EDN1: variants seen among roughly 807,000 people sequenced by gnomAD.
EDN1 encodes the protein endothelin 1.
Under a neutral mutation model 21.7 loss-of-function variants are expected in EDN1, and 11 were observed. The ratio of observed to expected loss-of-function variants is 0.51; its 90% CI spans 0.32 to 0.84. The LOEUF is 0.84. Ranked by LOEUF, EDN1 falls within the 40% of genes least tolerant of loss-of-function variation. The pLI is 0.03. For missense variants in EDN1, 244 were observed against 262.3 expected (o/e 0.93, Z 0.48); for synonymous variants, 85 against 90.6 (o/e 0.94, Z 0.35).
chr6:12,296,191 AC>A lies in EDN1; in HGVS notation c.*126del. Reference sequence around the variant, plus strand: ...TCTGCTGGTTCCTGACTGGCAAAGGACCAGCGTCCTCGTTCAAAACATTCCA... The same window carrying A: ...TCTGCTGGTTCCTGACTGGCAAAGGACAGCGTCCTCGTTCAAAACATTCCA... On this transcript the variant is annotated 3_prime_UTR_variant, in exon 5 of 5. Coordinates refer to ENST00000379375, the MANE Select transcript of EDN1 (RefSeq NM_001955.5). 1 of 865,976 alleles carries A rather than the reference AC, an allele frequency of 1.2e-6. No homozygotes were observed. Among genetic ancestry groups the A allele is most frequent in the Non-Finnish European group, 2.0e-6 (1 of 510,328 alleles). 53.6% of individuals were successfully genotyped at this position (865,976 alleles called of 1,614,324 possible). A position where few individuals can be genotyped will look rare whatever the true frequency, so the allele number is the denominator to read the frequency against.
Position 12,295,942 on chromosome 6 carries a change from C to A in EDN1, c.534-20C>A, listed in dbSNP as rs2113799068. On this transcript the variant is annotated intron_variant, in intron 4 of 4. Coordinates refer to ENST00000379375, the MANE Select transcript of EDN1 (RefSeq NM_001955.5). ...ATTTTTTTAAAATAACATTTGTTTT[C>A]TCTTATCTTGCTTTATTAGGTCGGA... 6 of 1,610,522 alleles carry A rather than the reference C, an allele frequency of 3.7e-6. No individual in the cohort carries two copies. Among genetic ancestry groups the A allele is most frequent in the Non-Finnish European group, 5.1e-6 (6 of 1,177,004 alleles).
At chr6:12,261,726 C>T in the EDN1 span, among the ~76,000 whole-genome samples, 2 of 152,268 alleles carry the variant, frequency 1.3e-5, no homozygotes, top group Non-Finnish European at 2.9e-5. Flanking sequence ...CCAGGTTTCA[C>T]CTGGGATGAG....
At chr6:12,275,872 T>G in the EDN1 span, among the ~76,000 whole-genome samples, 1 of 151,508 alleles carries the variant, frequency 6.6e-6, no homozygotes, top group African/African-American at 2.4e-5. Context: ...AGTTAAAAAA[T>G]AAGAATCGTG....
the EDN1 span, among the ~76,000 whole-genome samples, chr6:12,241,998 G>T: frequency 6.6e-6 from 1 of 152,294 alleles, no homozygotes; most frequent in South Asian, 2.1e-4. Context: ...CCATAACCCC[G>T]TTAGGTAATA....
At position 12,292,381 on chromosome 6, in the gene EDN1, C is replaced by T. The variant is rs1189074850; in HGVS notation, c.105C>T (p.Gly35=). The change falls in exon 2 of 5, where the codon GGC becomes GGT. Residue 35 remains glycine (G), a synonymous_variant. Coordinates refer to ENST00000379375, the MANE Select transcript of EDN1 (RefSeq NM_001955.5). ...AGCTCAGCGCGGTGGGTGAGAACGG[C>T]GGGGAGAAACCCACTCCCAGTCCAC... The part of the protein sequence containing the change: ...GAELSAVGEN[G]GEKPTPSPPW... 4 of 1,613,936 alleles carry T rather than the reference C, an allele frequency of 2.5e-6. No individual in the cohort carries two copies. In the African/African-American group the frequency reaches 5.3e-5, roughly 22 times the overall value.
At chr6:12,236,624 T>C in the EDN1 span, among the ~76,000 whole-genome samples, 4 of 152,174 alleles carry the variant, frequency 2.6e-5, no homozygotes, top group African/African-American at 4.8e-5. Context: ...TATATATAAA[T>C]TCATTTTTCC....
At chr6:12,271,510 TTTTATA>T in the EDN1 span, among the ~76,000 whole-genome samples, 1 of 152,188 alleles carries the variant, frequency 6.6e-6, no homozygotes, top group Admixed American at 6.5e-5. Context: ...ATTTACATCT[TTTTATA>T]TTGTGTGTTC....
chr6:12,292,946 A>G (rs1298250704), intron 2 of EDN1, among the ~76,000 whole-genome samples: 1 of 152,206 alleles, frequency 6.6e-6, no homozygotes, highest in African/African-American at 2.4e-5. Flanking sequence ...AATTTTACTT[A>G]CAGAAAAACC....
the EDN1 span, among the ~76,000 whole-genome samples, chr6:12,284,539 A>T: frequency 4.6e-5 from 7 of 150,980 alleles, no homozygotes; most frequent in African/African-American, 1.5e-4. Flanking sequence ...GAAGGAAGGA[A>T]GGAAAGAAGG....
At chr6:12,235,878 T>A in the EDN1 span, among the ~76,000 whole-genome samples, 1 of 152,228 alleles carries the variant, frequency 6.6e-6, no homozygotes, top group Non-Finnish European at 1.5e-5. Context: ...ACAGTGCAGC[T>A]CTGCAATATT....
At chr6:12,293,213 C>T (rs1459905239) in intron 2 of EDN1, among the ~76,000 whole-genome samples, 7 of 152,154 alleles carry the variant, frequency 4.6e-5, no homozygotes, top group Admixed American at 3.9e-4. Context: ...TACAATGTAC[C>T]GTTATGACAA....
At chr6:12,245,248 C>A in the EDN1 span, among the ~76,000 whole-genome samples, 1 of 152,096 alleles carries the variant, frequency 6.6e-6, no homozygotes, top group Non-Finnish European at 1.5e-5. Context: ...GACTTGATAT[C>A]ATCTCTGTTT....
intron 1 of EDN1, 99 bp from the exon 2 acceptor site, chr6:12,292,242 G>C (rs1762700638): frequency 1.9e-6 from 3 of 1,545,000 alleles, no homozygotes; most frequent in African/African-American, 1.4e-5. Flanking sequence ...TGCTTCATCT[G>C]CTTTTATCTG....
the EDN1 span, among the ~76,000 whole-genome samples, chr6:12,253,872 G>A: frequency 5.3e-5 from 8 of 151,954 alleles, no homozygotes; most frequent in Non-Finnish European, 1.2e-4. Context: ...CCAATCTACC[G>A]CCCGTGACGT....
the EDN1 span, among the ~76,000 whole-genome samples, chr6:12,246,518 G>A: frequency 3.9e-5 from 6 of 152,126 alleles, no homozygotes; most frequent in South Asian, 2.1e-4. Context: ...GATCCTGGGC[G>A]TGCACACACA....
chr6:12,248,190 A>T, the EDN1 span, among the ~76,000 whole-genome samples: 14 of 152,186 alleles, frequency 9.2e-5, no homozygotes. Flanking sequence ...GAGATAGGAA[A>T]AGCATAGTGG....
rs746637605 is a variant in EDN1 at position 12,296,060 on chromosome 6, A to G, written c.632A>G (p.His211Arg). The G allele has an allele frequency of 5.0e-6, 8 of 1,613,966 alleles. No individual in the cohort carries two copies. The highest frequency in any genetic ancestry group is 6.8e-6 in the Non-Finnish European group (8 of 1,179,892). ...RERYVTHNRA[H>R]W ...CGTTATGTGACCCACAACCGAGCACATTGGTGACAGACCTTCGGGGCCTGT... is the reference window on the plus strand; with the variant it reads ...CGTTATGTGACCCACAACCGAGCACGTTGGTGACAGACCTTCGGGGCCTGT... Residue 211 changes from histidine (H) to arginine (R), a missense_variant, in exon 5 of 5, where the codon CAT becomes CGT. Transcript: ENST00000379375.
chr6:12,267,722 C>T, the EDN1 span, among the ~76,000 whole-genome samples: 4 of 152,180 alleles, frequency 2.6e-5, no homozygotes, highest in Non-Finnish European at 5.9e-5. Context: ...GGTGGTTGCA[C>T]TAAACAACAG....
chr6:12,277,002 A>T, the EDN1 span, among the ~76,000 whole-genome samples: 1 of 152,174 alleles, frequency 6.6e-6, no homozygotes, highest in Non-Finnish European at 1.5e-5. Context: ...AGGAACAGGG[A>T]CTTTGCTGTA....
Sources: allele counts gnomAD v4.1 joint callset (sites outside exome capture counted in the v4.1 genomes callset), GRCh38; gene constraint gnomAD v4.1.1; transcripts MANE v1.5; gene names NCBI Gene and HGNC (gene_info 2026-07-23, HGNC 2026-07-21).